Variants in CDHR3 observed in about 807,000 individuals in gnomAD.
The protein encoded by CDHR3 is cadherin related family member 3.
In CDHR3, 79 loss-of-function variants were observed where a neutral mutation model predicts 86.6. That is an observed-to-expected ratio of 0.91 (90% CI 0.76 to 1.10). The LOEUF (loss-of-function observed/expected upper bound fraction) is 1.10, where lower values mean the gene tolerates loss of function less well. Among genes scored for constraint, CDHR3 ranks in the 50% least tolerant of loss-of-function variants. The probability of loss-of-function intolerance (pLI) is 0.00; values close to 1 mark genes in which losing one functional copy is unlikely to be tolerated. For synonymous variants in CDHR3, 421 were observed against 402.4 expected, an observed-to-expected ratio of 1.05 and a Z score of -0.55; for missense variants, 1,081 against 1,077.6, an observed-to-expected ratio of 1.00 and a Z score of -0.04.
At chr7:106,029,266 C>T (rs1202364060) in intron 17 of CDHR3, among the ~76,000 whole-genome samples, 1 of 152,122 alleles carries the variant, frequency 6.6e-6, no homozygotes, top group Non-Finnish European at 1.5e-5. Flanking sequence ...TAGGCATGAG[C>T]CACTGCGCCC....
At chr7:106,016,767 A>G (rs1835692044) in intron 11 of CDHR3, among the ~76,000 whole-genome samples, 1 of 152,230 alleles carries the variant, frequency 6.6e-6, no homozygotes, top group Non-Finnish European at 1.5e-5. Context: ...TTAAGTTTTC[A>G]AGCAAAATGC....
rs376727941 is a variant in CDHR3, at chr7:106,032,509, G to C, written c.2470G>C (p.Val824Leu). The C allele has an allele frequency of 5.6e-6, 9 of 1,613,930 alleles. No individual in the cohort carries two copies. Among genetic ancestry groups the C allele is most frequent in the Non-Finnish European group, 7.6e-6 (9 of 1,179,908 alleles). Residue 824 changes from valine (V) to leucine (L), a missense_variant, in exon 19 of 19, where the codon GTC becomes CTC. Coordinates refer to ENST00000317716, the MANE Select transcript of CDHR3 (RefSeq NM_152750.5). Reference protein sequence around the residue: ...SSHQGAAPRRVTAGEGMGSLR... With the variant: ...SSHQGAAPRRLTAGEGMGSLR... ...CCACCAGGGAGCTGCCCCACGCAGA[G>C]TCACTGCTGGGGAAGGGATGGGGTC...
intron 1 of CDHR3, among the ~76,000 whole-genome samples, chr7:105,969,876 C>A (rs567591513): frequency 1.3e-5 from 2 of 152,028 alleles, no homozygotes; most frequent in African/African-American, 4.8e-5. Context: ...GCAAAGGAAC[C>A]CTGTTTAGTG....
intron 4 of CDHR3, among the ~76,000 whole-genome samples, chr7:105,985,963 T>C (rs1482270010): frequency 3.3e-5 from 5 of 152,232 alleles, no homozygotes; most frequent in Non-Finnish European, 7.3e-5. Flanking sequence ...GCTCTTCCTA[T>C]GCTTCTATTT....
At position 106,032,498 on chromosome 7, in the gene CDHR3, C is replaced by T. The variant is rs371007870; in HGVS notation, c.2459C>T (p.Ala820Val). ...AAAGAGTCCAGCCACCAGGGAGCTG[C>T]CCCACGCAGAGTCACTGCTGGGGAA... Reference protein sequence around the residue: ...KWKESSHQGAAPRRVTAGEGM... With the variant: ...KWKESSHQGAVPRRVTAGEGM... Residue 820 changes from alanine to valine, a missense_variant, in exon 19 of 19, where the codon GCC (alanine) becomes GTC (valine). By Grantham distance (64) the Ala-to-Val change is moderately conservative. Coordinates refer to ENST00000317716, the MANE Select transcript of CDHR3 (RefSeq NM_152750.5). The T allele has an allele frequency of 3.1e-6, 5 of 1,613,974 alleles. No homozygotes were observed. In the South Asian group the frequency reaches 3.3e-5, roughly 11 times the overall value.
intron 3 of CDHR3, among the ~76,000 whole-genome samples, chr7:105,983,614 G>GCTCCTCC (rs1460469716): frequency 1.3e-5 from 2 of 152,112 alleles, no homozygotes; most frequent in African/African-American, 4.8e-5. Flanking sequence ...GGTACCGCCT[G>GCTCCTCC]CTCCTCCCTC....
At chr7:106,004,449 C>T (rs1833652363) in intron 7 of CDHR3, 49 bp from the exon 8 acceptor site, 1 of 1,473,380 alleles carries the variant, frequency 6.8e-7, no homozygotes, top group Non-Finnish European at 9.4e-7. Flanking sequence ...TTTCTGTATT[C>T]CTTTTCATTT....
At position 106,015,197 on chromosome 7, in the gene CDHR3, C is replaced by T. The variant is rs1438844836; in HGVS notation, c.1311C>T (p.Ala437=). Reference sequence around the variant, plus strand: ...TGATAATCCAGGTGCAGGATGTGGCCCCCCCTTACTATAAAAGCAAGTATC... The same window carrying T: ...TGATAATCCAGGTGCAGGATGTGGCTCCCCCTTACTATAAAAGCAAGTATC... ...YTVIIQVQDV[A]PPYYKNNVYV... is the part of the protein sequence containing the mutation. The change falls in exon 10 of 19, where the codon GCC becomes GCT. Residue 437 remains alanine, a synonymous_variant. Coordinates refer to ENST00000317716, the MANE Select transcript of CDHR3 (RefSeq NM_152750.5). The T allele has an allele frequency of 1.9e-6, 3 of 1,608,700 alleles. No individual in the cohort carries two copies. The highest frequency in any genetic ancestry group is 1.7e-6 in the Non-Finnish European group (2 of 1,177,666).
intron 6 of CDHR3, among the ~76,000 whole-genome samples, chr7:105,998,627 A>G (rs140134112): frequency 0.013 from 1,987 of 152,208 alleles, 20 homozygotes; most frequent in Non-Finnish European, 0.02. Context: ...CCCTGTTTCT[A>G]CTAAAAGTAC....
chr7:106,018,732 G>A (rs1836055646), intron 12 of CDHR3, among the ~76,000 whole-genome samples: 1 of 152,102 alleles, frequency 6.6e-6, no homozygotes, highest in African/African-American at 2.4e-5. Flanking sequence ...GTGTGGTTTT[G>A]GAGTTATGCA....
Position 106,020,555 on chromosome 7 carries a change from TG to T in CDHR3, c.1825+13del. ...ATTCCATTGGCCCAGGTATAGTACT[TG>T]GTGTCGACAATCCTGGCCCTGTCTC... On this transcript the variant is annotated intron_variant, in intron 13 of 18. Coordinates refer to ENST00000317716, the MANE Select transcript of CDHR3 (RefSeq NM_152750.5). The T allele has an allele frequency of 6.2e-7, 1 of 1,607,930 alleles. No homozygotes were observed. The highest frequency in any genetic ancestry group is 8.5e-7 in the Non-Finnish European group (1 of 1,175,616).
intron 1 of CDHR3, among the ~76,000 whole-genome samples, chr7:105,966,343 T>C (rs1409520828): frequency 6.6e-6 from 1 of 152,158 alleles, no homozygotes; most frequent in Non-Finnish European, 1.5e-5. Context: ...AGCCAGAAGA[T>C]TCACATGGAC....
intron 8 of CDHR3, among the ~76,000 whole-genome samples, chr7:106,010,784 G>A (rs1585749880): frequency 6.6e-6 from 1 of 152,248 alleles, no homozygotes; most frequent in South Asian, 2.1e-4. Context: ...AGAAAATGGG[G>A]AGAGAGATGG....
chr7:105,996,451 G>A (rs1832243179), intron 6 of CDHR3, 97 bp downstream of exon 6: 4 of 625,322 alleles, frequency 6.4e-6, no homozygotes, highest in African/African-American at 1.8e-5. Flanking sequence ...GCAGAGGGAT[G>A]CCCTTTGCTG....
intron 15 of CDHR3, among the ~76,000 whole-genome samples, chr7:106,025,908 G>T (rs931116062): frequency 6.6e-6 from 1 of 152,128 alleles, no homozygotes; most frequent in African/African-American, 2.4e-5. Context: ...GTAATTGCTT[G>T]TAAGGATGGT....
chr7:106,009,043 A>G (rs1161365987), intron 8 of CDHR3, among the ~76,000 whole-genome samples: 2 of 152,186 alleles, frequency 1.3e-5, no homozygotes, highest in Non-Finnish European at 2.9e-5. Context: ...TGAAACTGCA[A>G]TTCGAATATC....
intron 5 of CDHR3, among the ~76,000 whole-genome samples, chr7:105,995,567 C>T (rs368142551): frequency 1.1e-3 from 162 of 152,208 alleles, no homozygotes; most frequent in African/African-American, 3.5e-3. Flanking sequence ...CCGGTGAAGT[C>T]CTGCTCGTTT....
At chr7:106,007,517 C>A (rs1834116881) in intron 8 of CDHR3, among the ~76,000 whole-genome samples, 2 of 152,232 alleles carry the variant, frequency 1.3e-5, no homozygotes, top group African/African-American at 4.8e-5. Context: ...TCTAAATCAT[C>A]TCTCTCAAGT....
At chr7:105,989,389 G>A (rs1276204358) in intron 4 of CDHR3, among the ~76,000 whole-genome samples, 1 of 151,704 alleles carries the variant, frequency 6.6e-6, no homozygotes, top group Non-Finnish European at 1.5e-5. Flanking sequence ...GAGGCAAAAT[G>A]ATCTAGTACA....
Sources: gnomAD v4.1 joint callset for allele counts (sites outside exome capture counted in the v4.1 genomes callset) on GRCh38, gnomAD v4.1.1 for gene constraint, MANE v1.5 for transcripts, NCBI Gene and HGNC (gene_info 2026-07-23, HGNC 2026-07-21) for gene names.